TSNARE1: variants seen among roughly 807,000 people sequenced by gnomAD.
TSNARE1 encodes the protein t-SNARE domain-containing protein 1.
Under a neutral mutation model 62.0 loss-of-function variants are expected in TSNARE1, and 49 were observed. The observed-to-expected ratio is 0.79, with a 90% confidence interval of 0.63 to 1.00. The LOEUF (loss-of-function observed/expected upper bound fraction) is 1.00, where lower values mean the gene tolerates loss of function less well. Among genes scored for constraint, TSNARE1 ranks in the 50% least tolerant of loss-of-function variants. TSNARE1 has a pLI of 0.00. For synonymous variants in TSNARE1, 328 were observed against 294.4 expected (o/e 1.11, Z -1.17); for missense variants, 755 against 700.1 (o/e 1.08, Z -0.88).
rs570953275 is a variant in TSNARE1 at position 142,221,242 on chromosome 8, A to G, written c.*11+8231T>C. 5.3e-5 allele frequency among the ~76,000 whole-genome samples: 8 copies of G among 152,362 alleles called. No individual in the cohort carries two copies. In the South Asian group the frequency reaches 1.7e-3, roughly 32 times the overall value. ...AGCACCTACTAAGTGCTTGGCAGAC[A>G]GAAGATAACATGGAGGAACCACAGT... On this transcript the variant is annotated intron_variant, in intron 13 of 13. Transcript: ENST00000524325.
At chr8:142,392,701 G>A (rs1022798782) in intron 1 of TSNARE1, among the ~76,000 whole-genome samples, 3 of 152,158 alleles carry the variant, frequency 2.0e-5, no homozygotes, top group East Asian at 1.9e-4. Context: ...TCAGGAGGCC[G>A]AGGTGGGCGG....
intron 10 of TSNARE1, among the ~76,000 whole-genome samples, chr8:142,298,052 C>T (rs896402657): frequency 2.6e-5 from 4 of 152,212 alleles, no homozygotes; most frequent in Non-Finnish European, 5.9e-5. Flanking sequence ...CCTGCTACCC[C>T]CCGTCCGCAC....
intron 13 of TSNARE1, among the ~76,000 whole-genome samples, chr8:142,226,241 G>C (rs1238177940): frequency 1.3e-5 from 2 of 152,196 alleles, no homozygotes; most frequent in African/African-American, 4.8e-5. Context: ...CTGGTTTCCG[G>C]CTGGCTTGGG....
chr8:142,397,462 T>C (rs1024488417), intron 1 of TSNARE1, among the ~76,000 whole-genome samples: 1 of 152,174 alleles, frequency 6.6e-6, no homozygotes, highest in African/African-American at 2.4e-5. Flanking sequence ...AAGGCAGGGC[T>C]CCTGGAGGGG....
intron 11 of TSNARE1, chr8:142,275,423 G>C: frequency 2.0e-6 from 2 of 985,344 alleles, no homozygotes; most frequent in African/African-American, 3.5e-5. Context: ...GAAAAGCCGG[G>C]CTCGGTGGCT....
At chr8:142,297,884 G>C (rs1337576806) in intron 10 of TSNARE1, among the ~76,000 whole-genome samples, 1 of 152,094 alleles carries the variant, frequency 6.6e-6, no homozygotes, top group Non-Finnish European at 1.5e-5. Flanking sequence ...CGCCTTCCAA[G>C]AACGACTCCC....
intron 11 of TSNARE1, chr8:142,277,354 TGCCCAGTGCCCTCAGGGCA>T (rs1229552253): frequency 1.0e-6 from 1 of 985,232 alleles, no homozygotes; most frequent in Non-Finnish European, 1.2e-6. Flanking sequence ...GGAAACTGCC[TGCCCAGTGCCCTCAGGGCA>T]CAGGGACCCC....
At chr8:142,337,695 C>T (rs1831948711) in intron 4 of TSNARE1, among the ~76,000 whole-genome samples, 1 of 152,214 alleles carries the variant, frequency 6.6e-6, no homozygotes, top group Non-Finnish European at 1.5e-5. Context: ...ACCACCACGG[C>T]ACTCCTGCGA....
chr8:142,212,093 G>C lies in TSNARE1; in HGVS notation c.*232C>G, dbSNP rs1464053295. 1 of 152,394 alleles carries C rather than the reference G, an allele frequency of 6.6e-6. No homozygotes were observed. Among genetic ancestry groups the C allele is most frequent in the Non-Finnish European group, 1.5e-5 (1 of 68,178 alleles). The allele number at this position is 152,394 out of a possible 1,614,324, so 9.4% of individuals were successfully genotyped here. On this transcript the variant is annotated 3_prime_UTR_variant, in exon 14 of 14. Coordinates refer to ENST00000524325, the MANE Select transcript of TSNARE1 (RefSeq NM_145003.5). ...CAGGCACGTGGCTGGATAAGCCACA[G>C]CGGTTTATTCGGGTGCTCAGCTGGG... is the stretch of plus-strand genomic sequence containing the variant.
chr8:142,345,796 T>C lies in TSNARE1; in HGVS notation c.185A>G (p.Glu62Gly), dbSNP rs756355609. The change falls in exon 3 of 14, where the codon GAA (glutamate) becomes GGA (glycine). Residue 62 changes from glutamate (E) to glycine (G), a missense_variant. By Grantham distance (98) the Glu-to-Gly change is moderately conservative. Coordinates refer to ENST00000524325, the MANE Select transcript of TSNARE1 (RefSeq NM_145003.5). ...LQNRCVGKDG[E>G]GDLGPAGTPI... ...CGTGCCTGCTGGCCCCAGATCACCT[T>C]CCCCGTCCTTCCCCACACAGCGGTT... The C allele has an allele frequency of 3.7e-6, 6 of 1,613,680 alleles. No homozygotes were observed. In the African/African-American group the frequency reaches 8.0e-5, roughly 22 times the overall value.
chr8:142,214,342 C>T (rs963726241), intron 13 of TSNARE1, among the ~76,000 whole-genome samples: 4 of 152,224 alleles, frequency 2.6e-5, no homozygotes, highest in African/African-American at 4.8e-5. Flanking sequence ...TTGGCACATC[C>T]AGAATCCCCT....
At chr8:142,315,644 G>A (rs1828416290) in intron 7 of TSNARE1, among the ~76,000 whole-genome samples, 1 of 151,948 alleles carries the variant, frequency 6.6e-6, no homozygotes, top group African/African-American at 2.4e-5. Flanking sequence ...GACACGCACG[G>A]AGCCGGGGTG....
chr8:142,313,569 G>C (rs897658836), intron 9 of TSNARE1, among the ~76,000 whole-genome samples: 4 of 151,896 alleles, frequency 2.6e-5, no homozygotes, highest in African/African-American at 9.7e-5. Flanking sequence ...ATGTGTCTGC[G>C]CATCTGTGTT....
intron 1 of TSNARE1, among the ~76,000 whole-genome samples, chr8:142,378,849 G>A (rs556253264): frequency 3.1e-4 from 47 of 152,274 alleles, no homozygotes; most frequent in East Asian, 1.7e-3. Context: ...ACAGCCCACC[G>A]CAGGCCCAGC....
intron 10 of TSNARE1, among the ~76,000 whole-genome samples, chr8:142,292,945 C>T (rs1052097734): frequency 1.3e-5 from 2 of 152,146 alleles, no homozygotes; most frequent in African/African-American, 2.4e-5. Flanking sequence ...TGGCAAGCTC[C>T]ACCTCCCCCA....
At chr8:142,339,426 G>A (rs1464245026) in intron 4 of TSNARE1, among the ~76,000 whole-genome samples, 1 of 152,082 alleles carries the variant, frequency 6.6e-6, no homozygotes, top group Non-Finnish European at 1.5e-5. Flanking sequence ...CCGTGGATGA[G>A]GCAGGGGAAG....
chr8:142,376,947 G>A (rs1440888061), intron 1 of TSNARE1, among the ~76,000 whole-genome samples: 2 of 152,218 alleles, frequency 1.3e-5, no homozygotes, highest in African/African-American at 4.8e-5. Context: ...AGGAAGAGAG[G>A]GAAGCACTCC....
intron 9 of TSNARE1, among the ~76,000 whole-genome samples, chr8:142,312,183 A>C (rs947860525): frequency 1.3e-5 from 2 of 152,228 alleles, no homozygotes; most frequent in South Asian, 2.1e-4. Flanking sequence ...TTGGCTCAAC[A>C]AGTTTCAGAT....
intron 13 of TSNARE1, among the ~76,000 whole-genome samples, chr8:142,222,543 T>TCCAC (rs779415224): frequency 0.59 from 36,617 of 62,068 alleles, 12,871 homozygotes; most frequent in East Asian, 0.71. Flanking sequence ...CACTCACTCA[T>TCCAC]TCACTCACTC....
Sources: gnomAD v4.1 joint callset for allele counts (sites outside exome capture counted in the v4.1 genomes callset) on GRCh38, gnomAD v4.1.1 for gene constraint, MANE v1.5 for transcripts, NCBI Gene and HGNC (gene_info 2026-07-23, HGNC 2026-07-21) for gene names.